Variants in SQOR observed in about 807,000 individuals in gnomAD.
SQOR encodes sulfide quinone oxidoreductase, also known as sulfide:quinone oxidoreductase, mitochondrial.
A neutral mutation model predicts 48.6 loss-of-function variants in SQOR; 39 were observed. That is an observed-to-expected ratio of 0.80 (90% CI 0.62 to 1.05). The LOEUF (loss-of-function observed/expected upper bound fraction) is 1.05, where lower values mean the gene tolerates loss of function less well. Ranked by LOEUF, SQOR falls within the 50% of genes least tolerant of loss-of-function variation. SQOR has a pLI of 0.00. For synonymous variants in SQOR, 220 were observed against 206.2 expected (o/e 1.07, Z -0.57); for missense variants, 561 against 559.9 (o/e 1.00, Z -0.02).
chr15:45,672,580 G>A (rs1889963756), intron 4 of SQOR, among the ~76,000 whole-genome samples: 1 of 152,118 alleles, frequency 6.6e-6, no homozygotes, highest in African/African-American at 2.4e-5. Context: ...GGGCTGGGGA[G>A]GCTCTGAAGG....
chr15:45,659,195 CGTGTGTGTGTGTGTGAGTGTGT>C, intron 2 of SQOR, 38 bp downstream of exon 2: 4 of 1,349,694 alleles, frequency 3.0e-6, no homozygotes, highest in Non-Finnish European at 4.0e-6. Context: ...TGTGTGTGTA[CGTGTGTGTGTGTGTGAGTGTGT>C]GTGTGTGTGT....
chr15:45,632,410 C>T (rs533214680), upstream of SQOR, among the ~76,000 whole-genome samples: 3 of 151,918 alleles, frequency 2.0e-5, no homozygotes, highest in South Asian at 2.1e-4. Flanking sequence ...TTAGTAGAGA[C>T]GGGGTTTCAT....
chr15:45,659,157 G>C lies in SQOR; in HGVS notation c.234G>C (p.Glu78Asp). The stretch of plus-strand genomic sequence containing the variant: ...ATGTGGCCATTGTTGAGCCCAGTGA[G>C]GTAAGCCTCCCCTTTTGAGGGCCTG... The part of the protein sequence containing the change: ...AENVAIVEPS[E>D]RHFYQPIWTL... The change falls in exon 2 of 10, where the codon GAG (glutamate) becomes GAC (aspartate). Residue 78 changes from glutamate (E) to aspartate (D), a missense_variant and splice_region_variant. Transcript: ENST00000260324. The C allele has an allele frequency of 2.0e-6, 3 of 1,518,404 alleles. No individual in the cohort carries two copies. Among genetic ancestry groups the C allele is most frequent in the South Asian group, 2.6e-5 (2 of 78,378 alleles). 94.1% of individuals were successfully genotyped at this position (1,518,404 alleles called of 1,614,324 possible).
At chr15:45,684,698 A>T (rs1337224254) in intron 7 of SQOR, among the ~76,000 whole-genome samples, 1 of 151,954 alleles carries the variant, frequency 6.6e-6, no homozygotes, top group Non-Finnish European at 1.5e-5. Context: ...ACACTCATTT[A>T]ATGTAAGCCT....
intron 4 of SQOR, among the ~76,000 whole-genome samples, chr15:45,671,225 G>A (rs1889936014): frequency 6.6e-6 from 1 of 152,206 alleles, no homozygotes. Flanking sequence ...TGTGATCTCA[G>A]CTCACTTGCA....
At chr15:45,650,139 G>A (rs1889446606) in intron 1 of SQOR, among the ~76,000 whole-genome samples, 1 of 151,938 alleles carries the variant, frequency 6.6e-6, no homozygotes. Flanking sequence ...CACTGTGCCT[G>A]ACTTTTTTTT....
At position 45,673,656 on chromosome 15, in the gene SQOR, A is replaced by T; in HGVS notation, c.509A>T (p.Tyr170Phe). 1 of 1,614,240 alleles carries T rather than the reference A, an allele frequency of 6.2e-7. No homozygotes were observed. The highest frequency in any genetic ancestry group is 8.5e-7 in the Non-Finnish European group (1 of 1,180,028). ...GCTCATCCCAAAATAGGGTCGAATT[A>T]TTCAGTTAAGACTGTAGAGAAGACA... ...GFAHPKIGSNYSVKTVEKTWK... is the reference protein window; with the variant it reads ...GFAHPKIGSNFSVKTVEKTWK... The change falls in exon 5 of 10, where the codon TAT becomes TTT. Residue 170 changes from tyrosine (Y) to phenylalanine (F), a missense_variant. Tyr to Phe is a conservative substitution (Grantham distance 22). Coordinates refer to ENST00000260324, the MANE Select transcript of SQOR (RefSeq NM_021199.4).
chr15:45,676,233 C>G lies in SQOR; in HGVS notation c.787C>G (p.Leu263Val). 2 of 1,614,080 alleles carry G rather than the reference C, an allele frequency of 1.2e-6. No homozygotes were observed. Among genetic ancestry groups the G allele is most frequent in the Non-Finnish European group, 1.7e-6 (2 of 1,180,016 alleles). Residue 263 changes from leucine to valine, a missense_variant, in exon 6 of 10, where the codon CTC (leucine) becomes GTC (valine). Coordinates refer to ENST00000260324, the MANE Select transcript of SQOR (RefSeq NM_021199.4). Reference protein sequence around the residue: ...RNLTVNYKKNLIEVRADKQEA... With the variant: ...RNLTVNYKKNVIEVRADKQEA... Reference sequence around the variant, plus strand: ...CCTCACTGTTAACTACAAGAAAAACCTCATTGAAGTCCGAGCCGATAAACA... The same window carrying G: ...CCTCACTGTTAACTACAAGAAAAACGTCATTGAAGTCCGAGCCGATAAACA...
rs1260701712 is a variant in SQOR, at chr15:45,676,115, C to T, written c.669C>T (p.Ser223=). The T allele has an allele frequency of 3.7e-6, 6 of 1,613,744 alleles. No individual in the cohort carries two copies. The Admixed American group carries it at 5.0e-5, about 13-fold the overall frequency. The change falls in exon 6 of 10, where the codon TCC becomes TCT. Residue 223 remains serine (S), a synonymous_variant. Coordinates refer to ENST00000260324, the MANE Select transcript of SQOR (RefSeq NM_021199.4). Reference sequence around the variant, plus strand: ...ATTTTTCTCAGACAGGGAAGCGATCCAAGGCCAATATCATTTTCAACACTT... The same window carrying T: ...ATTTTTCTCAGACAGGGAAGCGATCTAAGGCCAATATCATTTTCAACACTT... ...EAYFRKTGKR[S]KANIIFNTSL... is the part of the protein sequence containing the mutation.
chr15:45,645,688 T>C lies in SQOR; in HGVS notation c.-18+10580T>C, dbSNP rs1895192002. ...CTTGAGCTGGCCTTGAGACTGAAAC[T>C]GTACCATAGGCTCTCCCGGGTCTTC... On this transcript the variant is annotated intron_variant, in intron 1 of 9. Transcript: ENST00000260324. Among the ~76,000 whole-genome samples, 4 of 152,318 alleles carry C rather than the reference T, an allele frequency of 2.6e-5. No homozygotes were observed. In the South Asian group the frequency reaches 8.3e-4, roughly 32 times the overall value.
chr15:45,673,491 A>C, intron 4 of SQOR, 116 bp from the exon 5 acceptor site: 11 of 1,101,128 alleles, frequency 1.0e-5, no homozygotes, highest in South Asian at 1.5e-5. Flanking sequence ...GCATGTGGGT[A>C]TTGGAGGGTA....
chr15:45,650,168 C>G (rs1889447526), intron 1 of SQOR, among the ~76,000 whole-genome samples: 1 of 152,122 alleles, frequency 6.6e-6, no homozygotes, highest in African/African-American at 2.4e-5. Flanking sequence ...GCAATGTGGT[C>G]TGGCTCTGTC....
chr15:45,663,602 CA>C lies in SQOR; in HGVS notation c.405+1485del, dbSNP rs547622198. Reference sequence around the variant, plus strand: ...GCAACATAGTAAGACCCTGTCTCTACAAAAAAAATTAAGACATTAGCTAGGT... The same window carrying C: ...GCAACATAGTAAGACCCTGTCTCTACAAAAAAATTAAGACATTAGCTAGGT... On this transcript the variant is annotated intron_variant, in intron 3 of 9. Transcript: ENST00000260324. Among the ~76,000 whole-genome samples the C allele has an allele frequency of 3.5e-4, 53 of 151,546 alleles. 1 individual carries two copies. The highest frequency in any genetic ancestry group is 5.7e-4 in the Non-Finnish European group (39 of 67,830).
Position 45,682,477 on chromosome 15 carries a change from G to A in SQOR, c.865-1G>A. The A allele has an allele frequency of 6.2e-7, 1 of 1,613,976 alleles. No homozygotes were observed. Among genetic ancestry groups the A allele is most frequent in the Admixed American group, 1.7e-5 (1 of 59,974 alleles). ...AATGTGGATTCTCTCTTTGTGTGTA[G>A]TATGAAATGCTTCATGTCACACCTC... is the stretch of plus-strand genomic sequence containing the variant. On this transcript the variant is annotated splice_acceptor_variant, in intron 6 of 9. Coordinates refer to ENST00000260324, the MANE Select transcript of SQOR (RefSeq NM_021199.4). LOFTEE classifies it high-confidence loss of function.
rs748219442 is a variant in SQOR, at chr15:45,635,928, C to A, written c.-18+820C>A. ...TCGGCTCACTGCCACCTCCACCTCC[C>A]GGGTTCAAGCGATTCTCCTGCCTCA... On this transcript the variant is annotated intron_variant, in intron 1 of 9. Transcript: ENST00000260324. 1.3e-5 allele frequency among the ~76,000 whole-genome samples: 2 copies of A among 151,924 alleles called. 1 individual carries two copies. The highest frequency in any genetic ancestry group is 1.3e-4 in the Admixed American group (2 of 15,256).
At chr15:45,687,641 T>G (rs1890247051) in intron 7 of SQOR, among the ~76,000 whole-genome samples, 1 of 152,166 alleles carries the variant, frequency 6.6e-6, no homozygotes, top group African/African-American at 2.4e-5. Context: ...ACGATGGAAT[T>G]TGAACATTTT....
intron 1 of SQOR, among the ~76,000 whole-genome samples, chr15:45,639,269 T>C (rs1482701086): frequency 6.6e-6 from 1 of 152,234 alleles, no homozygotes; most frequent in African/African-American, 2.4e-5. Context: ...TTTTGACTGT[T>C]AGGAAAAGAA....
intron 1 of SQOR, among the ~76,000 whole-genome samples, chr15:45,656,964 C>G (rs569169689): frequency 1.3e-5 from 2 of 151,998 alleles, no homozygotes; most frequent in African/African-American, 4.8e-5. Context: ...ACCACCACGC[C>G]TGGCTAAAAA....
chr15:45,638,205 AC>A (rs1432907262), intron 1 of SQOR, among the ~76,000 whole-genome samples: 1 of 152,234 alleles, frequency 6.6e-6, no homozygotes, highest in Non-Finnish European at 1.5e-5. Context: ...TATGTCTGTA[AC>A]TTTGGGAAGG....
Sources: gnomAD v4.1 joint callset for allele counts (sites outside exome capture counted in the v4.1 genomes callset) on GRCh38, gnomAD v4.1.1 for gene constraint, MANE v1.5 for transcripts, NCBI Gene and HGNC (gene_info 2026-07-23, HGNC 2026-07-21) for gene names.